The following PRRG1 variants were observed in gnomAD, a reference collection of about 807,000 sequenced individuals.
PRRG1 encodes proline rich and Gla domain 1.
In PRRG1, 5 loss-of-function variants were observed where a neutral mutation model predicts 11.8. The observed-to-expected ratio is 0.42, with a 90% CI of 0.22 to 0.89. The LOEUF is 0.89. Among genes scored for constraint, PRRG1 ranks in the 40% least tolerant of loss-of-function variants. PRRG1 has a pLI of 0.28. For missense variants in PRRG1, 155 were observed against 166.1 expected (o/e 0.93, Z 0.37); for synonymous variants, 66 against 60.4 (o/e 1.09, Z -0.43).
At chrX:37,430,060 C>T (rs782684126) in intron 3 of PRRG1, among the ~76,000 whole-genome samples, 6 of 112,122 alleles carry the variant, frequency 5.4e-5, no homozygotes, top group Admixed American at 3.8e-4. Flanking sequence ...CTGGGATATA[C>T]AATTCAAGAT....
Position 37,420,507 on chromosome X carries a change from A to G in PRRG1, c.11-5333A>G, listed in dbSNP as rs569970491. On this transcript the variant is annotated intron_variant, in intron 2 of 3. Transcript: ENST00000378628. Reference sequence around the variant, plus strand: ...CTTGATGTTCTTGCTACTGTTTGCTACTGTTTCTGGTGTATAGTCTTATAT... The same window carrying G: ...CTTGATGTTCTTGCTACTGTTTGCTGCTGTTTCTGGTGTATAGTCTTATAT... Among the ~76,000 whole-genome samples, 56 of 109,227 alleles carry G rather than the reference A, an allele frequency of 5.1e-4. No homozygotes were observed. In the South Asian group the frequency reaches 0.02, roughly 38 times the overall value. 94.9% of individuals were successfully genotyped at this position (109,227 alleles called of 115,157 possible).
chrX:37,390,874 G>A (rs3897856), intron 1 of PRRG1, among the ~76,000 whole-genome samples: 32,907 of 111,230 alleles, frequency 0.3, 7,074 homozygotes, highest in African/African-American at 0.77. Context: ...TCAGGCATGG[G>A]TAGGCATCCT....
chrX:37,398,010 A>T (rs1340076633), intron 1 of PRRG1, among the ~76,000 whole-genome samples: 1 of 89,901 alleles, frequency 1.1e-5, no homozygotes, highest in Non-Finnish European at 2.1e-5. Flanking sequence ...ACACACACAC[A>T]CACACATACA....
intron 1 of PRRG1, among the ~76,000 whole-genome samples, chrX:37,359,874 T>A (rs1930359457): frequency 8.9e-6 from 1 of 112,047 alleles, no homozygotes; most frequent in Non-Finnish European, 1.9e-5. Flanking sequence ...ATTGGTCCAT[T>A]TCAAGGAATT....
intron 1 of PRRG1, among the ~76,000 whole-genome samples, chrX:37,359,115 C>T (rs974788038): frequency 9.0e-6 from 1 of 111,356 alleles, no homozygotes; most frequent in Admixed American, 9.5e-5. Flanking sequence ...AATTGGTATA[C>T]CTTTTGTTTC....
At chrX:37,430,166 A>C (rs1932812525) in intron 3 of PRRG1, among the ~76,000 whole-genome samples, 1 of 111,696 alleles carries the variant, frequency 9.0e-6, no homozygotes, top group Non-Finnish European at 1.9e-5. Flanking sequence ...TTTAGTTAGG[A>C]GTAATATTTA....
At chrX:37,370,458 G>A (rs782696493) in intron 1 of PRRG1, among the ~76,000 whole-genome samples, 1 of 111,927 alleles carries the variant, frequency 8.9e-6, no homozygotes, top group East Asian at 2.8e-4. Flanking sequence ...CATGGAGCCA[G>A]CAGGGGCTGG....
chrX:37,449,459 T>G (rs1453506408), intron 3 of PRRG1, among the ~76,000 whole-genome samples: 1 of 112,232 alleles, frequency 8.9e-6, no homozygotes, highest in Non-Finnish European at 1.9e-5. Flanking sequence ...GTGAGAACAT[T>G]CAAAACAGAA....
intron 2 of PRRG1, among the ~76,000 whole-genome samples, chrX:37,424,927 A>G (rs782009009): frequency 9.0e-6 from 1 of 111,193 alleles, no homozygotes; most frequent in South Asian, 3.8e-4. Context: ...AAGATCTGTA[A>G]TGTGCCTTTT....
intron 2 of PRRG1, among the ~76,000 whole-genome samples, chrX:37,407,316 C>G (rs1275338556): frequency 8.9e-6 from 1 of 112,053 alleles, no homozygotes; most frequent in Non-Finnish European, 1.9e-5. Flanking sequence ...ACCTAAGAAA[C>G]AGAACTGCAA....
At chrX:37,367,187 T>C (rs1338467646) in intron 1 of PRRG1, among the ~76,000 whole-genome samples, 4 of 112,463 alleles carry the variant, frequency 3.6e-5, no homozygotes, top group African/African-American at 6.5e-5. Flanking sequence ...CTCTAAAGTA[T>C]ACATTTTTGT....
At chrX:37,383,797 G>C (rs1431920322) in intron 1 of PRRG1, among the ~76,000 whole-genome samples, 1 of 110,593 alleles carries the variant, frequency 9.0e-6, no homozygotes, top group African/African-American at 3.3e-5. Flanking sequence ...GTTACATTTG[G>C]AGCTAAAATT....
chrX:37,434,327 A>T (rs782012927), intron 3 of PRRG1, among the ~76,000 whole-genome samples: 3 of 112,263 alleles, frequency 2.7e-5, no homozygotes, highest in African/African-American at 9.7e-5. Context: ...ATTTATTCAG[A>T]CATTATCTGC....
intron 3 of PRRG1, among the ~76,000 whole-genome samples, chrX:37,428,115 G>A (rs1348327581): frequency 9.0e-6 from 1 of 111,301 alleles, no homozygotes; most frequent in Non-Finnish European, 1.9e-5. Context: ...ACCACAACAT[G>A]TGGGAATTCT....
At chrX:37,422,777 T>G (rs1269419612) in intron 2 of PRRG1, among the ~76,000 whole-genome samples, 1 of 111,832 alleles carries the variant, frequency 8.9e-6, no homozygotes, top group African/African-American at 3.3e-5. Flanking sequence ...TTCTATTGCC[T>G]AGTGACATCA....
intron 1 of PRRG1, among the ~76,000 whole-genome samples, chrX:37,363,838 C>T (rs963923748): frequency 1.8e-5 from 2 of 111,530 alleles, no homozygotes; most frequent in African/African-American, 6.5e-5. Flanking sequence ...GCCATTAATT[C>T]CCACAACTTC....
chrX:37,408,807 G>A (rs1465167316), intron 2 of PRRG1, among the ~76,000 whole-genome samples: 5 of 111,327 alleles, frequency 4.5e-5, no homozygotes, highest in African/African-American at 3.3e-5. Context: ...TTTGGAGAAT[G>A]TTCTGGTTGT....
chrX:37,445,509 A>G (rs1933058725), intron 3 of PRRG1, among the ~76,000 whole-genome samples: 1 of 112,375 alleles, frequency 8.9e-6, no homozygotes, highest in African/African-American at 3.2e-5. Flanking sequence ...AACCTGGGAT[A>G]CTGAAAAATA....
At chrX:37,426,037 G>A in intron 3 of PRRG1, 37 bp downstream of exon 3, 1 of 1,117,088 alleles carries the variant, frequency 9.0e-7, no homozygotes, top group Admixed American at 2.9e-5. Flanking sequence ...GCACAGATTT[G>A]CCTACCTTTT....
Sources: allele counts gnomAD v4.1 joint callset (sites outside exome capture counted in the v4.1 genomes callset), GRCh38; gene constraint gnomAD v4.1.1; transcripts MANE v1.5; gene names NCBI Gene and HGNC (gene_info 2026-07-23, HGNC 2026-07-21).